Variants in CLIC5 observed in about 807,000 individuals in gnomAD.
CLIC5 encodes CLIC family member 5, also known as chloride intracellular channel protein 5.
A neutral mutation model predicts 24.7 loss-of-function variants in CLIC5; 20 were observed. The observed-to-expected ratio is 0.81, with a 90% CI of 0.57 to 1.18. The LOEUF (loss-of-function observed/expected upper bound fraction) is 1.18. Ranked by LOEUF, CLIC5 falls within the 50% of genes most tolerant of loss-of-function variation. CLIC5 has a pLI of 0.00. For synonymous variants in CLIC5, 159 were observed against 135.6 expected (o/e 1.17, Z -1.20); for missense variants, 341 against 326.1 (o/e 1.05, Z -0.35).
At chr6:45,977,037 G>T (rs1044905683) in intron 1 of CLIC5, among the ~76,000 whole-genome samples, 1 of 152,114 alleles carries the variant, frequency 6.6e-6, no homozygotes, top group African/African-American at 2.4e-5. Flanking sequence ...TCCTTTCAGG[G>T]CTTTGTCTTT....
intron 1 of CLIC5, among the ~76,000 whole-genome samples, chr6:46,053,216 T>A (rs940183590): frequency 1.3e-5 from 2 of 152,102 alleles, no homozygotes; most frequent in African/African-American, 4.8e-5. Flanking sequence ...GCATTCAGTA[T>A]AATCATTCCG....
chr6:45,934,578 G>A (rs1239435913), intron 4 of CLIC5, among the ~76,000 whole-genome samples: 1 of 152,220 alleles, frequency 6.6e-6, no homozygotes, highest in Non-Finnish European at 1.5e-5. Flanking sequence ...TATTGCCCCT[G>A]GGGCTTTTCA....
chr6:45,938,029 A>G (rs981717178), intron 4 of CLIC5, among the ~76,000 whole-genome samples: 3 of 152,114 alleles, frequency 2.0e-5, no homozygotes, highest in African/African-American at 7.2e-5. Context: ...GAGGGGAGGG[A>G]GGGCTCTGCT....
upstream of CLIC5, chr6:46,015,959 G>A (rs1339248416): frequency 2.1e-6 from 2 of 959,188 alleles, no homozygotes; most frequent in East Asian, 1.1e-4. Flanking sequence ...CTCGGGCCTG[G>A]GCCGGGCCAC....
At chr6:46,127,635 T>C in the CLIC5 span, among the ~76,000 whole-genome samples, 9 of 152,258 alleles carry the variant, frequency 5.9e-5, no homozygotes, top group Middle Eastern at 3.2e-3. Flanking sequence ...AATGAAACTA[T>C]AGTGAACTTT....
At chr6:45,920,258 A>ATC (rs1471440857) in intron 4 of CLIC5, 2 of 984,546 alleles carry the variant, frequency 2.0e-6, no homozygotes, top group Non-Finnish European at 2.4e-6. Flanking sequence ...ACCATGACCC[A>ATC]TCACATCACT....
chr6:46,112,188 T>C, the CLIC5 span, among the ~76,000 whole-genome samples: 1 of 152,162 alleles, frequency 6.6e-6, no homozygotes, highest in Non-Finnish European at 1.5e-5. Context: ...AAGCTGTCTT[T>C]GGTGGGCGGC....
chr6:46,109,563 G>T, the CLIC5 span, among the ~76,000 whole-genome samples: 1 of 134,122 alleles, frequency 7.5e-6, no homozygotes, highest in Non-Finnish European at 1.5e-5. Context: ...ATGCGTTCAT[G>T]AGGATTGCTA....
At chr6:45,948,202 T>G (rs1764349812) in intron 3 of CLIC5, among the ~76,000 whole-genome samples, 1 of 152,176 alleles carries the variant, frequency 6.6e-6, no homozygotes, top group Non-Finnish European at 1.5e-5. Context: ...AAATAAAACT[T>G]TAAAATAAAT....
At chr6:46,086,563 C>A in the CLIC5 span, among the ~76,000 whole-genome samples, 1 of 152,182 alleles carries the variant, frequency 6.6e-6, no homozygotes, top group African/African-American at 2.4e-5. Flanking sequence ...CTGGGCTAGA[C>A]TGTGGATGGC....
the CLIC5 span, among the ~76,000 whole-genome samples, chr6:46,087,494 A>T: frequency 1.3e-5 from 2 of 151,992 alleles, no homozygotes; most frequent in African/African-American, 4.8e-5. Flanking sequence ...CTGCCCTGGC[A>T]CTGTCATCTT....
intron 6 of CLIC5, among the ~76,000 whole-genome samples, chr6:45,890,859 T>G (rs762034975): frequency 6.6e-6 from 1 of 151,934 alleles, no homozygotes; most frequent in Non-Finnish European, 1.5e-5. Flanking sequence ...CACTTTTATG[T>G]GGAATCTTAA....
intron 1 of CLIC5, among the ~76,000 whole-genome samples, chr6:46,056,313 A>G (rs1768252821): frequency 6.6e-6 from 1 of 152,112 alleles, no homozygotes; most frequent in Admixed American, 6.5e-5. Context: ...TTCTGGGCTC[A>G]GAATTGGGAA....
At chr6:46,068,519 C>T (rs182363837) in intron 1 of CLIC5, among the ~76,000 whole-genome samples, 1 of 152,224 alleles carries the variant, frequency 6.6e-6, no homozygotes, top group Admixed American at 6.5e-5. Context: ...CAGGAGTTCA[C>T]AGCTAGGGAG....
chr6:46,017,738 G>C (rs1008604039), upstream of CLIC5, among the ~76,000 whole-genome samples: 10 of 152,220 alleles, frequency 6.6e-5, no homozygotes, highest in African/African-American at 2.4e-4. Context: ...ATTTACCATG[G>C]TTGGGGTGAG....
chr6:45,941,377 G>A (rs986966657), intron 4 of CLIC5, among the ~76,000 whole-genome samples, 170 bp downstream of exon 4: 1 of 141,146 alleles, frequency 7.1e-6, no homozygotes, highest in Admixed American at 7.2e-5. Flanking sequence ...CCTCCCCTGT[G>A]TCAAGGGGGA....
the CLIC5 span, among the ~76,000 whole-genome samples, chr6:46,117,659 C>T: frequency 1.3e-5 from 2 of 152,080 alleles, no homozygotes; most frequent in Non-Finnish European, 1.5e-5. Flanking sequence ...TATAAATATC[C>T]TTGGGGGAAA....
chr6:46,081,394 A>T (rs1762916941), upstream of CLIC5, among the ~76,000 whole-genome samples: 1 of 152,216 alleles, frequency 6.6e-6, no homozygotes, highest in Admixed American at 6.5e-5. Flanking sequence ...ACTCCTGTTG[A>T]CAAGCTTCAG....
chr6:46,051,411 C>T (rs1768098329), intron 1 of CLIC5, among the ~76,000 whole-genome samples: 3 of 152,198 alleles, frequency 2.0e-5, no homozygotes, highest in African/African-American at 7.2e-5. Context: ...AAGGTCCTTT[C>T]CAGATAAAGA....
Sources: gnomAD v4.1 joint callset for allele counts (sites outside exome capture counted in the v4.1 genomes callset) on GRCh38, gnomAD v4.1.1 for gene constraint, MANE v1.5 for transcripts, NCBI Gene and HGNC (gene_info 2026-07-23, HGNC 2026-07-21) for gene names.